The following ATG13 variants were observed in gnomAD, a reference collection of about 807,000 sequenced individuals.
ATG13 encodes the protein autophagy-related protein 13.
In ATG13, 23 loss-of-function variants were observed where a neutral mutation model predicts 65.5. The observed-to-expected ratio is 0.35, with a 90% CI of 0.25 to 0.50. ATG13 has a LOEUF of 0.50. Among genes scored for constraint, ATG13 ranks in the 20% least tolerant of loss-of-function variants. The pLI is 0.98. For missense variants in ATG13, 566 were observed against 677.0 expected, an observed-to-expected ratio of 0.84 and a Z score of 1.82; for synonymous variants, 252 against 245.2, an observed-to-expected ratio of 1.03 and a Z score of -0.26.
chr11:46,653,752 G>A (rs866438650), intron 7 of ATG13, among the ~76,000 whole-genome samples: 1 of 150,828 alleles, frequency 6.6e-6, no homozygotes, highest in Non-Finnish European at 1.5e-5. Flanking sequence ...TGTATTTTTA[G>A]TAGAGACGGG....
intron 5 of ATG13, chr11:46,648,903 A>G (rs1339638913): frequency 2.9e-6 from 1 of 349,664 alleles, no homozygotes; most frequent in East Asian, 4.6e-5. Flanking sequence ...ATGATTTAGA[A>G]TTTTTAATTA....
intron 2 of ATG13, among the ~76,000 whole-genome samples, chr11:46,643,298 GTCT>G (rs2056642280): frequency 6.6e-6 from 1 of 152,082 alleles, no homozygotes; most frequent in Non-Finnish European, 1.5e-5. Flanking sequence ...AAAAAGGGAG[GTCT>G]TCTACTACTT....
intron 5 of ATG13, among the ~76,000 whole-genome samples, chr11:46,647,793 G>A (rs1012907619): frequency 5.9e-5 from 9 of 151,832 alleles, no homozygotes; most frequent in African/African-American, 2.2e-4. Flanking sequence ...TACTGCCCAG[G>A]CTGGAGTGCA....
In ATG13 at chr11:46,643,965, A is replaced by G. The variant is rs928669002; in HGVS notation, c.-13-314A>G. Among the ~76,000 whole-genome samples the G allele has an allele frequency of 3.3e-5, 5 of 152,248 alleles. No individual in the cohort carries two copies. In the East Asian group the frequency reaches 7.7e-4, roughly 23 times the overall value. ...TGTTCAGCAAAGTTTATGTCTCATT[A>G]AAATTTAGTCCTGAATCTGCTGGAT... On this transcript the variant is annotated intron_variant, in intron 2 of 18. Coordinates refer to ENST00000683050, the MANE Select transcript of ATG13 (RefSeq NM_001346311.2).
rs548340409 is a variant in ATG13, at chr11:46,638,901, A to G, written c.-13-5378A>G. 2.6e-5 allele frequency among the ~76,000 whole-genome samples: 4 copies of G among 152,036 alleles called. No individual in the cohort carries two copies. The South Asian group carries it at 8.3e-4, about 32-fold the overall frequency. On this transcript the variant is annotated intron_variant, in intron 2 of 18. Coordinates refer to ENST00000683050, the MANE Select transcript of ATG13 (RefSeq NM_001346311.2). The stretch of plus-strand genomic sequence containing the variant: ...TGGCTCACTGCAACCTCCGCCTCCC[A>G]GGTGCAAGCCATTCTCCCACCTCAG...
At chr11:46,639,064 T>C (rs945345337) in intron 2 of ATG13, among the ~76,000 whole-genome samples, 1 of 152,164 alleles carries the variant, frequency 6.6e-6, no homozygotes, top group Non-Finnish European at 1.5e-5. Flanking sequence ...CTCGGCTCAC[T>C]GCAACCTCTG....
chr11:46,657,690 A>G (rs543578317), intron 10 of ATG13, 68 bp downstream of exon 10: 5 of 1,372,562 alleles, frequency 3.6e-6, no homozygotes, highest in East Asian at 2.3e-5. Context: ...GCACAAGCAC[A>G]TGGAACACTT....
chr11:46,640,290 T>C (rs2055525637), intron 2 of ATG13, among the ~76,000 whole-genome samples: 1 of 152,258 alleles, frequency 6.6e-6, no homozygotes, highest in Non-Finnish European at 1.5e-5. Context: ...AGAATTCTTG[T>C]TAATCTTCTA....
intron 12 of ATG13, 55 bp from the exon 13 acceptor site, chr11:46,664,794 T>C: frequency 1.3e-6 from 2 of 1,488,174 alleles, no homozygotes; most frequent in Middle Eastern, 1.7e-4. Context: ...CGCTCTGGGA[T>C]TGCCTATTTT....
intron 10 of ATG13, among the ~76,000 whole-genome samples, chr11:46,658,962 G>A (rs1421576190): frequency 3.3e-5 from 5 of 152,212 alleles, no homozygotes; most frequent in Admixed American, 3.3e-4. Context: ...GGCTGAGGCT[G>A]GAGGATTGCT....
At chr11:46,642,400 G>A (rs555805803) in intron 2 of ATG13, among the ~76,000 whole-genome samples, 1 of 148,556 alleles carries the variant, frequency 6.7e-6, no homozygotes, top group East Asian at 2.0e-4. Context: ...CTGCCTTCTG[G>A]GTTCAAGCAA....
chr11:46,623,174 G>A (rs1283238920), intron 1 of ATG13, among the ~76,000 whole-genome samples: 4 of 152,036 alleles, frequency 2.6e-5, no homozygotes, highest in African/African-American at 9.7e-5. Context: ...GGCACCTGGG[G>A]TCCCAGCTAT....
chr11:46,645,462 T>A, intron 4 of ATG13, 43 bp downstream of exon 4: 1 of 1,534,684 alleles, frequency 6.5e-7, no homozygotes, highest in Non-Finnish European at 9.0e-7. Context: ...GTAGTGTTTG[T>A]CACAAGGAAT....
chr11:46,657,681 C>A (rs940926689), intron 10 of ATG13, 59 bp downstream of exon 10: 4 of 1,414,684 alleles, frequency 2.8e-6, no homozygotes, highest in Non-Finnish European at 3.9e-6. Flanking sequence ...ATCCATCCTG[C>A]ACAAGCACAT....
intron 14 of ATG13, among the ~76,000 whole-genome samples, chr11:46,666,140 G>A (rs2062308843): frequency 6.6e-6 from 1 of 152,164 alleles, no homozygotes; most frequent in Non-Finnish European, 1.5e-5. Context: ...AAGAGAAAAA[G>A]TGTAGACTCC....
intron 1 of ATG13, among the ~76,000 whole-genome samples, chr11:46,623,113 C>T (rs946691025): frequency 2.0e-5 from 3 of 151,906 alleles, no homozygotes; most frequent in Non-Finnish European, 2.9e-5. Flanking sequence ...ACGGTGAAAC[C>T]CTGTCTCTAC....
At chr11:46,618,679 G>T (rs2046201719) in intron 1 of ATG13, among the ~76,000 whole-genome samples, 1 of 151,944 alleles carries the variant, frequency 6.6e-6, no homozygotes, top group South Asian at 2.1e-4. Context: ...TCCAGATTTT[G>T]TGTGTTGTTT....
At chr11:46,631,634 TGA>T (rs2051768747) in intron 2 of ATG13, among the ~76,000 whole-genome samples, 2 of 151,998 alleles carry the variant, frequency 1.3e-5, no homozygotes, top group Non-Finnish European at 2.9e-5. Flanking sequence ...GAGGCTGAGG[TGA>T]GAGGATCGTT....
intron 7 of ATG13, among the ~76,000 whole-genome samples, chr11:46,654,667 G>C (rs2059654227): frequency 6.6e-6 from 1 of 151,710 alleles, no homozygotes. Context: ...GGCTGCAGTG[G>C]GCAGTGGTCA....
Sources: allele counts gnomAD v4.1 joint callset (sites outside exome capture counted in the v4.1 genomes callset), GRCh38; gene constraint gnomAD v4.1.1; transcripts MANE v1.5; gene names NCBI Gene and HGNC (gene_info 2026-07-23, HGNC 2026-07-21).